CBFA2T2: variants seen among roughly 807,000 people sequenced by gnomAD.
The protein encoded by CBFA2T2 is protein CBFA2T2.
Under a neutral mutation model 62.2 loss-of-function variants are expected in CBFA2T2, and 11 were observed. The ratio of observed to expected loss-of-function variants is 0.18; its 90% CI spans 0.11 to 0.29. The LOEUF (loss-of-function observed/expected upper bound fraction) is 0.29, where lower values mean the gene tolerates loss of function less well. CBFA2T2 is among the 10% of genes least tolerant of loss of function. The probability of loss-of-function intolerance (pLI) is 1.00; values close to 1 mark genes in which losing one functional copy is unlikely to be tolerated. For missense variants in CBFA2T2, 592 were observed against 774.1 expected (o/e 0.76, Z 2.79); for synonymous variants, 295 against 287.5 (o/e 1.03, Z -0.27).
chr20:33,510,368 G>A (rs1445161596), intron 1 of CBFA2T2, among the ~76,000 whole-genome samples: 1 of 151,666 alleles, frequency 6.6e-6, no homozygotes, highest in African/African-American at 2.4e-5. Context: ...CCTCCACCAC[G>A]CCCGGCTAAT....
In CBFA2T2 at chr20:33,490,118, GCA is replaced by G; in HGVS notation, c.-149_-148del. 1.3e-6 allele frequency: 1 copy of G among 757,274 alleles called. No individual in the cohort carries two copies. Among genetic ancestry groups the G allele is most frequent in the African/African-American group, 1.9e-5 (1 of 52,130 alleles). The allele number at this position is 757,274 out of a possible 1,614,324, so 46.9% of individuals were successfully genotyped here. On this transcript the variant is annotated 5_prime_UTR_variant, in exon 1 of 11. Coordinates refer to ENST00000342704, the MANE Select transcript of CBFA2T2 (RefSeq NM_001032999.3). Reference sequence around the variant, plus strand: ...GGCGGCGGCGGCGGCGACGGCGACAGCAGCGGTGGTGGTGTCTGGTTAGCTCG... The same window carrying G: ...GGCGGCGGCGGCGGCGACGGCGACAGGCGGTGGTGGTGTCTGGTTAGCTCG...
At chr20:33,581,311 C>T (rs921835969) in intron 1 of CBFA2T2, among the ~76,000 whole-genome samples, 1 of 152,180 alleles carries the variant, frequency 6.6e-6, no homozygotes, top group African/African-American at 2.4e-5. Context: ...CCTGCCTTGG[C>T]CTCCCAAAGT....
intron 1 of CBFA2T2, among the ~76,000 whole-genome samples, chr20:33,536,065 A>G (rs984931445): frequency 3.5e-4 from 53 of 152,226 alleles, no homozygotes; most frequent in Non-Finnish European, 2.4e-4. Context: ...TCACATGTCT[A>G]CTTCTTTCTA....
intron 8 of CBFA2T2, among the ~76,000 whole-genome samples, chr20:33,630,485 A>G (rs1444871030): frequency 6.6e-6 from 1 of 152,046 alleles, no homozygotes; most frequent in Non-Finnish European, 1.5e-5. Flanking sequence ...CCAGCCCACC[A>G]TTCAGGAAAA....
chr20:33,590,399 C>T (rs2014566989), intron 1 of CBFA2T2, among the ~76,000 whole-genome samples: 1 of 152,062 alleles, frequency 6.6e-6, no homozygotes, highest in Non-Finnish European at 1.5e-5. Flanking sequence ...TCTTAGAAAC[C>T]AGATTGCGTT....
At chr20:33,616,057 C>T (rs919858107) in intron 3 of CBFA2T2, among the ~76,000 whole-genome samples, 1 of 149,996 alleles carries the variant, frequency 6.7e-6, no homozygotes, top group Admixed American at 6.7e-5. Context: ...GCCTGGGTGA[C>T]AAAGCAATAC....
At chr20:33,576,319 T>C (rs2013825063) in intron 1 of CBFA2T2, among the ~76,000 whole-genome samples, 1 of 152,164 alleles carries the variant, frequency 6.6e-6, no homozygotes, top group Non-Finnish European at 1.5e-5. Flanking sequence ...AAGTAGATAC[T>C]GGAACTTAGG....
chr20:33,587,093 C>G (rs994268181), intron 1 of CBFA2T2, among the ~76,000 whole-genome samples: 3 of 152,068 alleles, frequency 2.0e-5, no homozygotes, highest in Non-Finnish European at 2.9e-5. Context: ...AGGCACCCCC[C>G]ACCATGCCTG....
intron 1 of CBFA2T2, among the ~76,000 whole-genome samples, chr20:33,602,424 G>T (rs2015173870): frequency 7.3e-6 from 1 of 137,178 alleles, no homozygotes; most frequent in African/African-American, 3.0e-5. Flanking sequence ...TCTGCTCTCT[G>T]CCAGTCTCTG....
intron 9 of CBFA2T2, among the ~76,000 whole-genome samples, chr20:33,637,784 C>T (rs1421546137): frequency 6.6e-6 from 1 of 151,450 alleles, no homozygotes; most frequent in East Asian, 1.9e-4. Flanking sequence ...TCTCCTGCCT[C>T]AGCCTCCCAA....
chr20:33,631,778 C>T (rs984075234), intron 8 of CBFA2T2, among the ~76,000 whole-genome samples: 4 of 152,202 alleles, frequency 2.6e-5, no homozygotes, highest in Admixed American at 2.6e-4. Flanking sequence ...GTTATATTGT[C>T]ATTCTAGGTT....
At position 33,526,918 on chromosome 20, in the gene CBFA2T2, G is replaced by C. The variant is rs115577643; in HGVS notation, c.34+36617G>C. 5.6e-3 allele frequency among the ~76,000 whole-genome samples: 847 copies of C among 152,260 alleles called. 5 individuals carry two copies. The highest frequency in any genetic ancestry group is 0.019 in the African/African-American group (791 of 41,534). On this transcript the variant is annotated intron_variant, in intron 1 of 10. Transcript: ENST00000342704. ...GCAATATTTAGGGTAAGAGTCACAA[G>C]CATACTCGGGTGCATTTGAATGATG...
At chr20:33,528,992 T>C (rs2011966352) in intron 1 of CBFA2T2, among the ~76,000 whole-genome samples, 1 of 152,128 alleles carries the variant, frequency 6.6e-6, no homozygotes, top group African/African-American at 2.4e-5. Flanking sequence ...TTTTGGGAGT[T>C]TGCACTACGC....
At position 33,646,729 on chromosome 20, in the gene CBFA2T2, C is replaced by G. The variant is rs1351053830; in HGVS notation, c.*2083C>G. 6.6e-6 allele frequency: 1 copy of G among 151,844 alleles called. No homozygotes were observed. Among genetic ancestry groups the G allele is most frequent in the African/African-American group, 2.4e-5 (1 of 41,310 alleles). The allele number at this position is 151,844 out of a possible 1,614,324, so 9.4% of individuals were successfully genotyped here. ...TAGAAAAATCAGCCGGGTGTGGTGGCACACACCTGTAATCCTAGCTACTCA... is the reference window on the plus strand; with the variant it reads ...TAGAAAAATCAGCCGGGTGTGGTGGGACACACCTGTAATCCTAGCTACTCA... On this transcript the variant is annotated 3_prime_UTR_variant, in exon 11 of 11. Coordinates refer to ENST00000342704, the MANE Select transcript of CBFA2T2 (RefSeq NM_001032999.3).
At chr20:33,545,613 A>AT (rs1315092294) in intron 1 of CBFA2T2, among the ~76,000 whole-genome samples, 1 of 152,124 alleles carries the variant, frequency 6.6e-6, no homozygotes, top group Non-Finnish European at 1.5e-5. Context: ...TGCCTGGCTA[A>AT]TTTTTTGTAT....
intron 1 of CBFA2T2, among the ~76,000 whole-genome samples, chr20:33,581,176 G>T (rs1486496950): frequency 1.3e-5 from 2 of 151,898 alleles, no homozygotes; most frequent in Non-Finnish European, 2.9e-5. Context: ...TGATTCTCCT[G>T]CCTCAGCCTC....
At chr20:33,628,511 C>T in intron 7 of CBFA2T2, 76 bp downstream of exon 7, 1 of 1,000,538 alleles carries the variant, frequency 1.0e-6, no homozygotes, top group Non-Finnish European at 1.6e-6. Flanking sequence ...CTCTGTCACC[C>T]AGGATGGAGT....
At chr20:33,501,868 G>T (rs531054574) in intron 1 of CBFA2T2, among the ~76,000 whole-genome samples, 1 of 152,020 alleles carries the variant, frequency 6.6e-6, no homozygotes, top group Non-Finnish European at 1.5e-5. Context: ...TGGATCTCCT[G>T]ACCTCAGGTG....
At chr20:33,500,017 G>A (rs1165190137) in intron 1 of CBFA2T2, among the ~76,000 whole-genome samples, 1 of 151,922 alleles carries the variant, frequency 6.6e-6, no homozygotes, top group Admixed American at 6.6e-5. Flanking sequence ...TGAGTGCAGT[G>A]GTGTGATCTT....
Sources: allele counts gnomAD v4.1 joint callset (sites outside exome capture counted in the v4.1 genomes callset), GRCh38; gene constraint gnomAD v4.1.1; transcripts MANE v1.5; gene names NCBI Gene and HGNC (gene_info 2026-07-23, HGNC 2026-07-21).